The following ZSCAN9 variants were observed in gnomAD, a reference collection of about 807,000 sequenced individuals.
The protein encoded by ZSCAN9 is zinc finger and SCAN domain containing 9, also known as zinc finger and SCAN domain-containing protein 9.
A neutral mutation model predicts 23.0 loss-of-function variants in ZSCAN9; 19 were observed. The ratio of observed to expected loss-of-function variants is 0.83; its 90% confidence interval spans 0.58 to 1.21. ZSCAN9 has a LOEUF of 1.21. Among genes scored for constraint, ZSCAN9 ranks in the 50% most tolerant of loss-of-function variants. The pLI, the probability that ZSCAN9 is intolerant of heterozygous loss-of-function variation, is 0.00. For missense variants in ZSCAN9, 467 were observed against 471.5 expected (o/e 0.99, Z 0.09); for synonymous variants, 155 against 164.8 (o/e 0.94, Z 0.46).
In ZSCAN9 at chr6:28,227,313, T is replaced by C; in HGVS notation, c.229T>C (p.Cys77Arg). Reference sequence around the variant, plus strand: ...GGCTCTTACTCGACTCCAGGAACTTTGCTACCAGTGGTTGAGGCCACATGT... The same window carrying C: ...GGCTCTTACTCGACTCCAGGAACTTCGCTACCAGTGGTTGAGGCCACATGT... ...REALTRLQEL[C>R]YQWLRPHVST... The change falls in exon 2 of 4, where the codon TGC (cysteine) becomes CGC (arginine). Residue 77 changes from cysteine to arginine, a missense_variant. Physicochemically the swap from Cys to Arg is radical, Grantham distance 180 (BLOSUM62 -3). Transcript: ENST00000252207. 6 of 1,614,258 alleles carry C rather than the reference T, an allele frequency of 3.7e-6. No individual in the cohort carries two copies. Among genetic ancestry groups the C allele is most frequent in the Non-Finnish European group, 5.1e-6 (6 of 1,180,050 alleles).
intron 3 of ZSCAN9, among the ~76,000 whole-genome samples, chr6:28,231,048 C>T (rs1029225218): frequency 6.6e-6 from 1 of 152,054 alleles, no homozygotes; most frequent in African/African-American, 2.4e-5. Context: ...ATTCCAAGAC[C>T]CCCAGTAGAT....
chr6:28,232,715 T>A lies in ZSCAN9; in HGVS notation c.722T>A (p.Ile241Lys), dbSNP rs766537130. The A allele has an allele frequency of 3.1e-6, 5 of 1,614,084 alleles. 1 individual carries two copies. The Admixed American group carries it at 8.3e-5, about 27-fold the overall frequency. Residue 241 changes from isoleucine (I) to lysine (K), a missense_variant, in exon 4 of 4, where the codon ATA (isoleucine) becomes AAA (lysine). Ile to Lys is a moderately radical substitution (Grantham distance 102, BLOSUM62 -3). Coordinates refer to ENST00000252207, the MANE Select transcript of ZSCAN9 (RefSeq NM_006299.5). ...GAAGTTGGTGAACATAAGGATAGGA[T>A]AGAGAGGCAGTGGGGAAACCTCTTA... ...HGEVGEHKDR[I>K]ERQWGNLLGE...
chr6:28,231,260 T>G (rs573379846), intron 3 of ZSCAN9, among the ~76,000 whole-genome samples: 1 of 152,152 alleles, frequency 6.6e-6, no homozygotes, highest in African/African-American at 2.4e-5. Context: ...AAATAAGGGG[T>G]ATGTAAACAC....
chr6:28,229,505 G>T (rs2113652266), intron 3 of ZSCAN9, among the ~76,000 whole-genome samples: 1 of 152,132 alleles, frequency 6.6e-6, no homozygotes, highest in South Asian at 2.1e-4. Flanking sequence ...TATCCAGAGG[G>T]CATCTGGAGA....
In ZSCAN9 at chr6:28,233,140, C is replaced by G; in HGVS notation, c.1147C>G (p.Arg383Gly). Residue 383 changes from arginine to glycine, a missense_variant, in exon 4 of 4, where the codon CGC becomes GGC. Arg to Gly is a moderately radical substitution (Grantham distance 125, BLOSUM62 -2). Transcript: ENST00000252207. ...CTTTAATCGACACTGCAACCTCATTCGCCATCAGAAGATCCACACAGTGGC... is the reference window on the plus strand; with the variant it reads ...CTTTAATCGACACTGCAACCTCATTGGCCATCAGAAGATCCACACAGTGGC... ...KSFNRHCNLI[R>G]HQKIHTVAEL... is the part of the protein sequence containing the mutation. The G allele has an allele frequency of 6.2e-7, 1 of 1,614,018 alleles. No homozygotes were observed. Among genetic ancestry groups the G allele is most frequent in the Non-Finnish European group, 8.5e-7 (1 of 1,179,954 alleles).
chr6:28,231,631 G>A (rs981984879), intron 3 of ZSCAN9, among the ~76,000 whole-genome samples: 1 of 151,906 alleles, frequency 6.6e-6, no homozygotes, highest in African/African-American at 2.4e-5. Context: ...ATGTGTGCCT[G>A]TAGTCCCAGC....
At chr6:28,225,509 C>T (rs1381784347) in intron 1 of ZSCAN9, 143 bp downstream of exon 1, 3 of 152,404 alleles carry the variant, frequency 2.0e-5, no homozygotes, top group Admixed American at 6.5e-5. Context: ...TTCGGGCGTC[C>T]CCTAGACCAG....
At position 28,230,633 on chromosome 6, in the gene ZSCAN9, T is replaced by C. The variant is rs1581565140; in HGVS notation, c.569-1929T>C. The C allele has an allele frequency of 4.5e-6, 3 of 669,900 alleles. No individual in the cohort carries two copies. In the East Asian group the frequency reaches 8.3e-5, roughly 18 times the overall value. 41.5% of individuals were successfully genotyped at this position (669,900 alleles called of 1,614,324 possible). A position where few individuals can be genotyped will look rare whatever the true frequency, so the allele number is the denominator to read the frequency against. On this transcript the variant is annotated intron_variant, in intron 3 of 3. Transcript: ENST00000252207. ...AAATCAGACTATGTGCCAGGCATGT[T>C]TCTCAGGAATAAAACAGAAGGTTCC...
At chr6:28,229,636 C>G (rs1279862044) in intron 3 of ZSCAN9, among the ~76,000 whole-genome samples, 1 of 152,144 alleles carries the variant, frequency 6.6e-6, no homozygotes, top group Non-Finnish European at 1.5e-5. Flanking sequence ...TCCAGCTTTT[C>G]AAATTCTTAG....
At chr6:28,226,127 T>C (rs1760109235) in intron 1 of ZSCAN9, among the ~76,000 whole-genome samples, 1 of 152,214 alleles carries the variant, frequency 6.6e-6, no homozygotes, top group Non-Finnish European at 1.5e-5. Flanking sequence ...CCATTTCTTA[T>C]CTAGTGAAAT....
chr6:28,232,140 T>C (rs1394946636), intron 3 of ZSCAN9, among the ~76,000 whole-genome samples: 1 of 152,156 alleles, frequency 6.6e-6, no homozygotes, highest in African/African-American at 2.4e-5. Context: ...AAGACCAGGA[T>C]GGCCAACATG....
chr6:28,233,011 T>C lies in ZSCAN9; in HGVS notation c.1018T>C (p.Cys340Arg), dbSNP rs200511440. Residue 340 changes from cysteine (C) to arginine (R), a missense_variant, in exon 4 of 4, where the codon TGC (cysteine) becomes CGC (arginine). By Grantham distance (180) the Cys-to-Arg change is radical. Transcript: ENST00000252207. ...RIHKGEKPYQ[C>R]SQCSKSYSRR... ...CCACAAAGGAGAAAAGCCGTATCAG[T>C]GCAGCCAGTGCAGTAAGAGCTACAG... The C allele has an allele frequency of 7.8e-5, 126 of 1,613,942 alleles. No homozygotes were observed. The highest frequency in any genetic ancestry group is 7.5e-4 in the Admixed American group (45 of 60,006).
rs756292265 is a variant in ZSCAN9 at position 28,233,104 on chromosome 6, T to C, written c.1111T>C (p.Cys371Arg). Residue 371 changes from cysteine to arginine, a missense_variant, in exon 4 of 4, where the codon TGT (cysteine) becomes CGT (arginine). Transcript: ENST00000252207. ...TGERPHQCIE[C>R]GKSFNRHCNL... The stretch of plus-strand genomic sequence containing the variant: ...GGAGCGACCTCACCAGTGCATTGAA[T>C]GTGGGAAAAGCTTTAATCGACACTG... 2 of 1,614,198 alleles carry C rather than the reference T, an allele frequency of 1.2e-6. No individual in the cohort carries two copies. The highest frequency in any genetic ancestry group is 1.1e-5 in the South Asian group (1 of 91,086).
intron 3 of ZSCAN9, among the ~76,000 whole-genome samples, chr6:28,231,662 G>T (rs1760304641): frequency 6.6e-6 from 1 of 151,722 alleles, no homozygotes; most frequent in Admixed American, 6.6e-5. Context: ...GCTGAGGCAG[G>T]AGAATCGCTT....
At chr6:28,226,189 T>C (rs1359191836) in intron 1 of ZSCAN9, among the ~76,000 whole-genome samples, 1 of 152,222 alleles carries the variant, frequency 6.6e-6, no homozygotes, top group African/African-American at 2.4e-5. Context: ...AATATAGTCT[T>C]GTATCTGAAA....
chr6:28,233,373 C>T lies in ZSCAN9; in HGVS notation c.*195C>T, dbSNP rs1760381084. On this transcript the variant is annotated 3_prime_UTR_variant, in exon 4 of 4. Coordinates refer to ENST00000252207, the MANE Select transcript of ZSCAN9 (RefSeq NM_006299.5). ...TCTCTTTTGTTCATTTTACCTCTTT[C>T]TTACTCTTACTAGCTGTGTCCCTCT... The T allele has an allele frequency of 1.2e-6, 1 of 832,946 alleles. No homozygotes were observed. The highest frequency in any genetic ancestry group is 1.7e-5 in the African/African-American group (1 of 58,078). 51.6% of individuals were successfully genotyped at this position (832,946 alleles called of 1,614,324 possible).
intron 3 of ZSCAN9, 60 bp downstream of exon 3, chr6:28,227,897 A>C: frequency 6.3e-7 from 1 of 1,595,056 alleles, no homozygotes; most frequent in Non-Finnish European, 8.6e-7. Flanking sequence ...AAAAACAAAC[A>C]ATAAACCCAG....
At chr6:28,227,584 T>C in intron 2 of ZSCAN9, 80 bp downstream of exon 2, 3 of 1,566,828 alleles carry the variant, frequency 1.9e-6, no homozygotes, top group Non-Finnish European at 2.6e-6. Flanking sequence ...TGTGTCTCCT[T>C]GACATTGGTG....
intron 3 of ZSCAN9, among the ~76,000 whole-genome samples, chr6:28,231,076 A>G (rs1760288420): frequency 6.6e-6 from 1 of 152,208 alleles, no homozygotes; most frequent in South Asian, 2.1e-4. Context: ...ACCAAGGGTA[A>G]TACTGAACCC....
Sources: allele counts gnomAD v4.1 joint callset (sites outside exome capture counted in the v4.1 genomes callset), GRCh38; gene constraint gnomAD v4.1.1; transcripts MANE v1.5; gene names NCBI Gene and HGNC (gene_info 2026-07-23, HGNC 2026-07-21).